The following ZFHX3 variants were observed in gnomAD, a reference collection of about 807,000 sequenced individuals.
ZFHX3 encodes the protein zinc finger homeobox protein 3.
Under a neutral mutation model 279.1 loss-of-function variants are expected in ZFHX3, and 42 were observed. The ratio of observed to expected loss-of-function variants is 0.15; its 90% CI spans 0.12 to 0.19. The LOEUF (loss-of-function observed/expected upper bound fraction) is 0.19. Among genes scored for constraint, ZFHX3 ranks in the 10% least tolerant of loss-of-function variants. ZFHX3 has a pLI of 1.00. For synonymous variants in ZFHX3, 2,293 were observed against 1,957.8 expected, an observed-to-expected ratio of 1.17 and a Z score of -4.52; for missense variants, 4,981 against 4,754.0, an observed-to-expected ratio of 1.05 and a Z score of -1.40.
intron 2 of ZFHX3, among the ~76,000 whole-genome samples, chr16:73,569,252 G>C (rs557651324): frequency 7.9e-5 from 12 of 152,272 alleles, no homozygotes; most frequent in African/African-American, 2.9e-4. Context: ...ATGCAATTCT[G>C]TGAGTCTTCC....
intron 3 of ZFHX3, among the ~76,000 whole-genome samples, chr16:73,331,791 G>C (rs1218849976): frequency 6.6e-6 from 1 of 152,194 alleles, no homozygotes; most frequent in Non-Finnish European, 1.5e-5. Flanking sequence ...AGAGGGGTTG[G>C]ATTTTAAGAG....
intron 5 of ZFHX3, among the ~76,000 whole-genome samples, chr16:73,168,586 C>T (rs1348988978): frequency 2.0e-5 from 3 of 152,108 alleles, no homozygotes; most frequent in Non-Finnish European, 2.9e-5. Context: ...CTTCTCTGTA[C>T]CTAAATGTTC....
chr16:73,720,016 GTAACCCATAGAA>G (rs2053459064), intron 1 of ZFHX3, among the ~76,000 whole-genome samples: 1 of 152,218 alleles, frequency 6.6e-6, no homozygotes, highest in Non-Finnish European at 1.5e-5. Flanking sequence ...AAATTGATGA[GTAACCCATAGAA>G]TAACAGGCAA....
chr16:72,851,759 C>T (rs185677413), intron 4 of ZFHX3, among the ~76,000 whole-genome samples: 20 of 152,224 alleles, frequency 1.3e-4, no homozygotes, highest in Admixed American at 2.0e-4. Flanking sequence ...CCATGTTGGC[C>T]AGGCTGGTCT....
chr16:73,691,125 G>GGAGT (rs1177054177), intron 1 of ZFHX3, among the ~76,000 whole-genome samples: 1 of 152,132 alleles, frequency 6.6e-6, no homozygotes, highest in Non-Finnish European at 1.5e-5. Context: ...ACAACAAATT[G>GGAGT]GAGTGAGCTC....
intron 3 of ZFHX3, among the ~76,000 whole-genome samples, chr16:72,898,954 G>T (rs1003397548): frequency 1.4e-5 from 2 of 143,430 alleles, no homozygotes; most frequent in Non-Finnish European, 3.1e-5. Flanking sequence ...AGAAGCTGAG[G>T]GGGGTATGTA....
At chr16:73,718,180 G>C (rs982549104) in intron 1 of ZFHX3, among the ~76,000 whole-genome samples, 1 of 152,196 alleles carries the variant, frequency 6.6e-6, no homozygotes, top group African/African-American at 2.4e-5. Flanking sequence ...GGAAGCCAAA[G>C]GGGGTAGATG....
intron 6 of ZFHX3, among the ~76,000 whole-genome samples, chr16:73,136,592 G>A (rs1966799192): frequency 6.6e-6 from 1 of 151,560 alleles, no homozygotes; most frequent in Non-Finnish European, 1.5e-5. Context: ...AGGCATGGTG[G>A]TGCATGCCTG....
At chr16:73,797,485 T>C (rs1960027661) in intron 1 of ZFHX3, among the ~76,000 whole-genome samples, 1 of 152,144 alleles carries the variant, frequency 6.6e-6, no homozygotes, top group Non-Finnish European at 1.5e-5. Flanking sequence ...ATTGTCAAAA[T>C]GCAAAAAGCC....
chr16:73,890,527 T>C (rs960856521), intron 1 of ZFHX3, among the ~76,000 whole-genome samples: 1 of 152,196 alleles, frequency 6.6e-6, no homozygotes, highest in Non-Finnish European at 1.5e-5. Flanking sequence ...ACCCAACCGA[T>C]CTAGTGAAAG....
intron 5 of ZFHX3, among the ~76,000 whole-genome samples, chr16:73,184,981 CTCTTT>C (rs200218807): frequency 0.011 from 1,472 of 136,664 alleles, 15 homozygotes; most frequent in African/African-American, 0.038. Context: ...CATGCACCAT[CTCTTT>C]TTTTTTTTTT....
intron 2 of ZFHX3, among the ~76,000 whole-genome samples, chr16:73,526,029 C>T (rs751329643): frequency 8.6e-5 from 13 of 152,026 alleles, no homozygotes; most frequent in Non-Finnish European, 1.3e-4. Flanking sequence ...TGGTTGGGGA[C>T]GGGGAAGGAA....
At chr16:73,479,976 T>C (rs1480563455) in intron 2 of ZFHX3, among the ~76,000 whole-genome samples, 1 of 152,220 alleles carries the variant, frequency 6.6e-6, no homozygotes, top group African/African-American at 2.4e-5. Flanking sequence ...GAGTTGGTGA[T>C]GAACCTGCTG....
intron 3 of ZFHX3, among the ~76,000 whole-genome samples, chr16:73,340,546 T>C (rs115787240): frequency 1.0e-3 from 155 of 152,288 alleles, no homozygotes; most frequent in African/African-American, 3.5e-3. Context: ...GTGTGTGTGT[T>C]TTTTGATTTT....
At chr16:73,110,615 C>G (rs1054879985) in intron 7 of ZFHX3, among the ~76,000 whole-genome samples, 5 of 152,150 alleles carry the variant, frequency 3.3e-5, no homozygotes, top group African/African-American at 1.2e-4. Context: ...GTCACCCATG[C>G]TGAAGTACAG....
chr16:73,644,737 G>GT (rs2052603400), intron 2 of ZFHX3, among the ~76,000 whole-genome samples: 3 of 152,042 alleles, frequency 2.0e-5, no homozygotes, highest in Admixed American at 2.0e-4. Flanking sequence ...ACATCTCCAG[G>GT]ACTGCACGCA....
chr16:73,860,473 C>A (rs1322303509), intron 1 of ZFHX3, among the ~76,000 whole-genome samples: 2 of 151,834 alleles, frequency 1.3e-5, no homozygotes, highest in African/African-American at 4.8e-5. Context: ...TTGTTCAAAC[C>A]AGTTGTAAGA....
chr16:73,687,370 G>C (rs2053099777), intron 1 of ZFHX3, among the ~76,000 whole-genome samples: 1 of 150,360 alleles, frequency 6.7e-6, no homozygotes, highest in Admixed American at 6.6e-5. Context: ...GTGACAGAGA[G>C]AGACCCTGTC....
chr16:73,634,466 T>A (rs946184449), intron 2 of ZFHX3, among the ~76,000 whole-genome samples: 1 of 141,596 alleles, frequency 7.1e-6, no homozygotes, highest in Non-Finnish European at 1.5e-5. Context: ...ATATATAAAA[T>A]ATATATGTAA....
Sources: allele counts gnomAD v4.1 joint callset (sites outside exome capture counted in the v4.1 genomes callset), GRCh38; gene constraint gnomAD v4.1.1; transcripts MANE v1.5; gene names NCBI Gene and HGNC (gene_info 2026-07-23, HGNC 2026-07-21).